Variants in CKAP2 observed in about 807,000 individuals in gnomAD.
The protein encoded by CKAP2 is cytoskeleton associated protein 2.
In CKAP2, 46 loss-of-function variants were observed where a neutral mutation model predicts 58.4. The observed-to-expected ratio is 0.79, with a 90% CI of 0.62 to 1.01. The LOEUF is 1.01. Among genes scored for constraint, CKAP2 ranks in the 50% least tolerant of loss-of-function variants. The pLI, the probability that CKAP2 is intolerant of heterozygous loss-of-function variation, is 0.00. For missense variants in CKAP2, 809 were observed against 796.4 expected (o/e 1.02, Z -0.19); for synonymous variants, 293 against 280.9 (o/e 1.04, Z -0.43).
intron 6 of CKAP2, 118 bp downstream of exon 6, chr13:52,465,583 A>G: frequency 1.2e-6 from 1 of 835,170 alleles, no homozygotes; most frequent in Non-Finnish European, 2.0e-6. Flanking sequence ...GTGGTAATAA[A>G]TGTTTAAAGG....
chr13:52,456,185 T>G, intron 1 of CKAP2: 1 of 1,061,442 alleles, frequency 9.4e-7, no homozygotes, highest in Non-Finnish European at 1.1e-6. Flanking sequence ...TTCTGGTAAA[T>G]TAGAACTTTC....
chr13:52,455,976 C>T, intron 1 of CKAP2: 1 of 1,095,642 alleles, frequency 9.1e-7, no homozygotes, highest in Non-Finnish European at 1.1e-6. Context: ...ACCGACTGCG[C>T]CTGCGCTGGG....
At position 52,475,335 on chromosome 13, in the gene CKAP2, C is replaced by A; in HGVS notation, c.*194C>A. ...CTCTACATTGGAAAGCTAATCCTACCTTGTCAGTTTCAACCAACTGAGTTT... is the reference window on the plus strand; with the variant it reads ...CTCTACATTGGAAAGCTAATCCTACATTGTCAGTTTCAACCAACTGAGTTT... On this transcript the variant is annotated 3_prime_UTR_variant, in exon 9 of 9. Transcript: ENST00000258607. 1.5e-6 allele frequency: 1 copy of A among 646,374 alleles called. No individual in the cohort carries two copies. The highest frequency in any genetic ancestry group is 2.4e-6 in the Non-Finnish European group (1 of 409,630). 40.0% of individuals were successfully genotyped at this position (646,374 alleles called of 1,614,324 possible). A position where few individuals can be genotyped will look rare whatever the true frequency, so the allele number is the denominator to read the frequency against.
At position 52,475,539 on chromosome 13, in the gene CKAP2, G is replaced by A. The variant is rs1387347009; in HGVS notation, c.*398G>A. ...TTGACATGTTTTTAAAAGTTATGAT[G>A]TACCTCCCTGCCTTTAAACAGAATA... On this transcript the variant is annotated 3_prime_UTR_variant, in exon 9 of 9. Transcript: ENST00000258607. 4 of 156,450 alleles carry A rather than the reference G, an allele frequency of 2.6e-5. No homozygotes were observed. The highest frequency in any genetic ancestry group is 5.6e-5 in the Non-Finnish European group (4 of 71,076). 9.7% of individuals were successfully genotyped at this position (156,450 alleles called of 1,614,324 possible).
chr13:52,469,998 CTG>C (rs1196701951), intron 7 of CKAP2, among the ~76,000 whole-genome samples: 3 of 152,066 alleles, frequency 2.0e-5, no homozygotes, highest in Admixed American at 6.6e-5. Context: ...TTTGCTGTAA[CTG>C]TATATTATAC....
intron 8 of CKAP2, among the ~76,000 whole-genome samples, chr13:52,474,669 C>T (rs1272632736): frequency 6.6e-6 from 1 of 152,090 alleles, no homozygotes; most frequent in African/African-American, 2.4e-5. Context: ...CAGGAATTAG[C>T]CAGTTCTACA....
In CKAP2 at chr13:52,455,503, G is replaced by T; in HGVS notation, c.-54G>T. ...GCAGACTGCGGCGGCGGTGGTCTGA[G>T]GAAGTTCTATCTTGGCGCTAAAGCG... On this transcript the variant is annotated 5_prime_UTR_variant, in exon 1 of 9. It adds an upstream start codon to the 5' untranslated region. Coordinates refer to ENST00000258607, the MANE Select transcript of CKAP2 (RefSeq NM_018204.5). The T allele has an allele frequency of 1.2e-6, 2 of 1,606,952 alleles. No individual in the cohort carries two copies. The highest frequency in any genetic ancestry group is 1.3e-5 in the African/African-American group (1 of 74,900).
Position 52,461,578 on chromosome 13 carries a change from T to C in CKAP2, c.752T>C (p.Leu251Pro). The C allele has an allele frequency of 6.2e-7, 1 of 1,614,150 alleles. No homozygotes were observed. Among genetic ancestry groups the C allele is most frequent in the Admixed American group, 1.7e-5 (1 of 60,014 alleles). ...AGCACTACATCTCAGAACACACAACTTGTGCGACCTCCTATTAGAAGTCAT... is the reference window on the plus strand; with the variant it reads ...AGCACTACATCTCAGAACACACAACCTGTGCGACCTCCTATTAGAAGTCAT... ...FVSTTSQNTQ[L>P]VRPPIRSHHS... Residue 251 changes from leucine (L) to proline (P), a missense_variant, in exon 4 of 9, where the codon CTT (leucine) becomes CCT (proline). Physicochemically the swap from Leu to Pro is moderately conservative, Grantham distance 98 (BLOSUM62 -3). Around this residue, in one of 3 missense-constraint regions of CKAP2, gnomAD observed 523 missense variants for 492.4 expected, o/e 1.06. Transcript: ENST00000258607.
chr13:52,465,209 C>A, intron 5 of CKAP2, 86 bp from the exon 6 acceptor site: 1 of 1,136,654 alleles, frequency 8.8e-7, no homozygotes, highest in Non-Finnish European at 1.3e-6. Context: ...CTATCGTTAT[C>A]ATTGATCTTG....
At position 52,460,967 on chromosome 13, in the gene CKAP2, C is replaced by T. The variant is rs758464956; in HGVS notation, c.224C>T (p.Thr75Ile). 1 of 1,613,270 alleles carries T rather than the reference C, an allele frequency of 6.2e-7. No individual in the cohort carries two copies. The highest frequency in any genetic ancestry group is 1.1e-5 in the South Asian group (1 of 90,996). Reference protein sequence around the residue: ...QEGTKVLKLKTKMADKENMKR... With the variant: ...QEGTKVLKLKIKMADKENMKR... ...GGGACTAAAGTGCTGAAACTTAAAA[C>T]AAAAATGGTAAGATGTGGACATAGC... is the stretch of plus-strand genomic sequence containing the variant. The change falls in exon 3 of 9, where the codon ACA (threonine) becomes ATA (isoleucine). Residue 75 changes from threonine to isoleucine, a missense_variant. Thr to Ile is a moderately conservative substitution (Grantham distance 89). Around this residue, in one of 3 missense-constraint regions of CKAP2, gnomAD observed 523 missense variants for 492.4 expected, o/e 1.06. Transcript: ENST00000258607.
At position 52,462,571 on chromosome 13, in the gene CKAP2, G is replaced by A. The variant is rs1447338629; in HGVS notation, c.1305+4G>A. The A allele has an allele frequency of 6.2e-7, 1 of 1,607,378 alleles. No individual in the cohort carries two copies. The highest frequency in any genetic ancestry group is 8.5e-7 in the Non-Finnish European group (1 of 1,176,528). On this transcript the variant is annotated splice_donor_region_variant and intron_variant, in intron 5 of 8. Coordinates refer to ENST00000258607, the MANE Select transcript of CKAP2 (RefSeq NM_018204.5). Reference sequence around the variant, plus strand: ...ATGCCTGAACTTGATTAATGAGGTAGAGTCTTTATATTTGCTTAGCATTTT... The same window carrying A: ...ATGCCTGAACTTGATTAATGAGGTAAAGTCTTTATATTTGCTTAGCATTTT...
At chr13:52,458,091 A>G (rs1452953358) in intron 2 of CKAP2, among the ~76,000 whole-genome samples, 1 of 152,242 alleles carries the variant, frequency 6.6e-6, no homozygotes, top group African/African-American at 2.4e-5. Flanking sequence ...TTTAGTTTGG[A>G]ATAAACAGTT....
chr13:52,460,919 C>T lies in CKAP2; in HGVS notation c.176C>T (p.Thr59Ile). Reference protein sequence around the residue: ...MLSSRDQRVVTSEDQVQEGTK... With the variant: ...MLSSRDQRVVISEDQVQEGTK... ...AGTAGTAGAGATCAGAGAGTTGTGA[C>T]ATCTGAGGACCAAGTTCAAGAAGGG... Residue 59 changes from threonine to isoleucine, a missense_variant, in exon 3 of 9, where the codon ACA (threonine) becomes ATA (isoleucine). Around this residue, in one of 3 missense-constraint regions of CKAP2, gnomAD observed 523 missense variants for 492.4 expected, o/e 1.06. Coordinates refer to ENST00000258607, the MANE Select transcript of CKAP2 (RefSeq NM_018204.5). The T allele has an allele frequency of 1.2e-6, 2 of 1,613,242 alleles. No individual in the cohort carries two copies. Among genetic ancestry groups the T allele is most frequent in the Non-Finnish European group, 1.7e-6 (2 of 1,179,832 alleles).
chr13:52,461,786 A>G lies in CKAP2; in HGVS notation c.960A>G (p.Glu320=). 1 of 1,614,120 alleles carries G rather than the reference A, an allele frequency of 6.2e-7. No homozygotes were observed. The change falls in exon 4 of 9, where the codon GAA becomes GAG. Residue 320 remains glutamate (E), a synonymous_variant. Coordinates refer to ENST00000258607, the MANE Select transcript of CKAP2 (RefSeq NM_018204.5). Reference sequence around the variant, plus strand: ...CTCTATCAAGATCCATAGCATCTGAAGTTATAGCCAGGCCTGCTTCATTGT... The same window carrying G: ...CTCTATCAAGATCCATAGCATCTGAGGTTATAGCCAGGCCTGCTTCATTGT... ...NKTLSRSIAS[E]VIARPASLSN...
Position 52,455,907 on chromosome 13 carries a change from C to CCGGGGT in CKAP2, c.70+285_70+290dup. ...CGAGGGGAAACGCGCGGGCCTCAGG[C>CCGGGGT]CGGGGTCGGTGTCGGAGACCCTGGG... On this transcript the variant is annotated intron_variant, in intron 1 of 8. Transcript: ENST00000258607. 5.3e-6 allele frequency: 6 copies of CCGGGGT among 1,139,678 alleles called. No homozygotes were observed. The South Asian group carries it at 2.0e-4, about 38-fold the overall frequency. The allele number at this position is 1,139,678 out of a possible 1,614,324, so 70.6% of individuals were successfully genotyped here. A position where few individuals can be genotyped will look rare whatever the true frequency, so the allele number is the denominator to read the frequency against.
chr13:52,459,070 G>A (rs1331969811), intron 2 of CKAP2, among the ~76,000 whole-genome samples: 1 of 152,056 alleles, frequency 6.6e-6, no homozygotes, highest in Non-Finnish European at 1.5e-5. Context: ...TCTCCCCACT[G>A]GACAGGTGAG....
At chr13:52,470,333 G>C (rs1440772357) in intron 7 of CKAP2, among the ~76,000 whole-genome samples, 2 of 152,032 alleles carry the variant, frequency 1.3e-5, no homozygotes, top group Non-Finnish European at 2.9e-5. Context: ...TTGAACTCCT[G>C]ACCTCAGGTG....
At chr13:52,468,650 C>T (rs117692094) in intron 7 of CKAP2, among the ~76,000 whole-genome samples, 2,802 of 152,288 alleles carry the variant, frequency 0.018, 44 homozygotes, top group Non-Finnish European at 0.027. Context: ...TTTTCTGTTC[C>T]TGTGTTTGCG....
Position 52,462,422 on chromosome 13 carries a change from C to A in CKAP2, c.1160C>A (p.Ser387Ter), listed in dbSNP as rs1264708137. The A allele has an allele frequency of 1.2e-6, 2 of 1,614,088 alleles. No individual in the cohort carries two copies. Among genetic ancestry groups the A allele is most frequent in the Non-Finnish European group, 1.7e-6 (2 of 1,180,008 alleles). The change falls in exon 5 of 9, where the codon TCA becomes TAA. Residue 387 changes from serine to a stop codon, truncating the protein, a stop_gained. Transcript: ENST00000258607. LOFTEE classifies it high-confidence loss of function. ...KGRVLKRPPNSVVTQHEPAGQ... is the reference protein window; with the variant it reads ...KGRVLKRPPN ...AGAGTGCTAAAAAGGCCCCCTAATT[C>A]AGTAGTTACTCAGCATGAGCCTGCA...
Sources: gnomAD v4.1 joint callset for allele counts (sites outside exome capture counted in the v4.1 genomes callset) on GRCh38, gnomAD v4.1.1 for gene constraint, gnomAD v4.1.1 regional missense constraint, MANE v1.5 for transcripts, NCBI Gene and HGNC (gene_info 2026-07-23, HGNC 2026-07-21) for gene names.